STAG1: variants seen among roughly 807,000 people sequenced by gnomAD.
The protein encoded by STAG1 is cohesin subunit SA-1.
Under a neutral mutation model 170.9 loss-of-function variants are expected in STAG1, and 26 were observed. The ratio of observed to expected loss-of-function variants is 0.15; its 90% CI spans 0.11 to 0.21. STAG1 has a LOEUF of 0.21. Among genes scored for constraint, STAG1 ranks in the 10% least tolerant of loss-of-function variants. The pLI is 1.00. For synonymous variants in STAG1, 514 were observed against 497.7 expected (o/e 1.03, Z -0.44); for missense variants, 964 against 1,509.5 (o/e 0.64, Z 5.99).
intron 27 of STAG1, 31 bp from the exon 28 acceptor site, chr3:136,357,879 TC>T: frequency 6.4e-7 from 1 of 1,566,152 alleles, no homozygotes; most frequent in Non-Finnish European, 8.7e-7. Flanking sequence ...AACTTATTTT[TC>T]CAGATAGTGT....
At chr3:136,742,442 G>A (rs780688978) in intron 1 of STAG1, among the ~76,000 whole-genome samples, 5 of 152,018 alleles carry the variant, frequency 3.3e-5, no homozygotes, top group South Asian at 2.1e-4. Flanking sequence ...GGCTGGGCAC[G>A]GTGGCTCATG....
chr3:136,631,188 G>C (rs1229209194), intron 1 of STAG1, among the ~76,000 whole-genome samples: 1 of 152,124 alleles, frequency 6.6e-6, no homozygotes, highest in Non-Finnish European at 1.5e-5. Flanking sequence ...CTAAGTAAAT[G>C]AATAAATAAA....
At chr3:136,615,535 T>C (rs1397376061) in intron 3 of STAG1, among the ~76,000 whole-genome samples, 6 of 151,248 alleles carry the variant, frequency 4.0e-5, no homozygotes, top group African/African-American at 9.7e-5. Context: ...TCCCAGCACT[T>C]TGGGAGGCCG....
At chr3:136,620,190 G>T (rs1391375556) in intron 3 of STAG1, among the ~76,000 whole-genome samples, 1 of 151,786 alleles carries the variant, frequency 6.6e-6, no homozygotes, top group Non-Finnish European at 1.5e-5. Context: ...AAAGATACAA[G>T]AAATGCCTTT....
At chr3:136,504,132 C>G (rs1355635567) in intron 7 of STAG1, among the ~76,000 whole-genome samples, 2 of 152,128 alleles carry the variant, frequency 1.3e-5, no homozygotes, top group African/African-American at 4.8e-5. Flanking sequence ...CACGTATACT[C>G]AATTTGTTAT....
At chr3:136,716,400 T>C (rs946067815) in intron 1 of STAG1, among the ~76,000 whole-genome samples, 4 of 152,008 alleles carry the variant, frequency 2.6e-5, no homozygotes, top group African/African-American at 4.8e-5. Context: ...CAGGCAGCGG[T>C]TGCAGTGAGC....
intron 1 of STAG1, among the ~76,000 whole-genome samples, chr3:136,693,737 T>C (rs1942797961): frequency 6.6e-6 from 1 of 150,504 alleles, no homozygotes; most frequent in South Asian, 2.1e-4. Flanking sequence ...CTCAGCTAAT[T>C]ATTTTTTTTT....
chr3:136,568,518 G>C (rs1166605053), intron 5 of STAG1, among the ~76,000 whole-genome samples: 1 of 151,994 alleles, frequency 6.6e-6, no homozygotes, highest in Non-Finnish European at 1.5e-5. Flanking sequence ...ACTACTGAAC[G>C]AATTTCAGAT....
intron 23 of STAG1, among the ~76,000 whole-genome samples, chr3:136,374,927 C>A (rs1937521334): frequency 6.6e-6 from 1 of 152,000 alleles, no homozygotes; most frequent in Admixed American, 6.6e-5. Flanking sequence ...ATTTTTAAAT[C>A]TTTTATACTG....
Position 136,408,399 on chromosome 3 carries a change from G to A in STAG1, c.2196+9486C>T, listed in dbSNP as rs74810876. 8.5e-3 allele frequency among the ~76,000 whole-genome samples: 1,288 copies of A among 152,190 alleles called. 22 individuals carry two copies. Among genetic ancestry groups the A allele is most frequent in the African/African-American group, 0.03 (1,233 of 41,526 alleles). On this transcript the variant is annotated intron_variant, in intron 21 of 33. Coordinates refer to ENST00000383202, the MANE Select transcript of STAG1 (RefSeq NM_005862.3). The stretch of plus-strand genomic sequence containing the variant: ...TTACTGTAACAGAACCTAGAATGGA[G>A]AGAGGGTGAAACTGAAGTTACTAAA...
chr3:136,465,558 CAAAAAAAAAAAAAAAA>C lies in STAG1; in HGVS notation c.1206-586_1206-571del, dbSNP rs11364802. 9.5e-3 allele frequency among the ~76,000 whole-genome samples: 457 copies of C among 48,302 alleles called. 3 individuals carry two copies. Among genetic ancestry groups the C allele is most frequent in the Middle Eastern group, 0.045 (1 of 22 alleles). The allele number at this position is 48,302 out of a possible 152,430, so 31.7% of individuals were successfully genotyped here. A position where few individuals can be genotyped will look rare whatever the true frequency, so the allele number is the denominator to read the frequency against. The stretch of plus-strand genomic sequence containing the variant: ...GTGGGACAGAGCAAGACTCTTGCCT[CAAAAAAAAAAAAAAAA>C]AAAAAAAAAAAAGGGAAAAGGAAGA... On this transcript the variant is annotated intron_variant, in intron 12 of 33. Transcript: ENST00000383202.
At chr3:136,710,141 G>A (rs1943342970) in intron 1 of STAG1, among the ~76,000 whole-genome samples, 1 of 152,254 alleles carries the variant, frequency 6.6e-6, no homozygotes, top group Non-Finnish European at 1.5e-5. Flanking sequence ...TTTTTGGGGG[G>A]CTACATATAC....
At chr3:136,711,569 A>C (rs1446519470) in intron 1 of STAG1, among the ~76,000 whole-genome samples, 1 of 152,118 alleles carries the variant, frequency 6.6e-6, no homozygotes. Context: ...TCAAGGAAAA[A>C]AAAAAAGGAT....
intron 14 of STAG1, among the ~76,000 whole-genome samples, chr3:136,450,838 TC>T (rs2088915454): frequency 6.6e-6 from 1 of 152,148 alleles, no homozygotes; most frequent in African/African-American, 2.4e-5. Context: ...AACCTCTGCC[TC>T]CTGGGTTCAA....
chr3:136,465,308 C>T (rs1312505347), intron 12 of STAG1, among the ~76,000 whole-genome samples: 7 of 150,560 alleles, frequency 4.6e-5, no homozygotes, highest in Admixed American at 6.6e-5. Flanking sequence ...CAACCTCTGC[C>T]TCCCGGGTTC....
At chr3:136,417,744 A>T in intron 21 of STAG1, 141 bp downstream of exon 21, 1 of 650,044 alleles carries the variant, frequency 1.5e-6, no homozygotes, top group Non-Finnish European at 2.7e-6. Context: ...ACATTTAATT[A>T]CTACAGCAAT....
intron 14 of STAG1, among the ~76,000 whole-genome samples, chr3:136,449,108 A>G (rs1201763991): frequency 2.0e-5 from 3 of 152,212 alleles, no homozygotes; most frequent in Admixed American, 6.5e-5. Context: ...CATTCATCCT[A>G]GGTGTACACT....
chr3:136,556,570 GTTT>G (rs375836305), intron 5 of STAG1, among the ~76,000 whole-genome samples: 1 of 101,562 alleles, frequency 9.8e-6, no homozygotes, highest in African/African-American at 2.9e-5. Flanking sequence ...CTTGACATTC[GTTT>G]TTTTTTTGTT....
intron 14 of STAG1, among the ~76,000 whole-genome samples, chr3:136,451,656 G>A (rs112426882): frequency 0.011 from 1,707 of 152,102 alleles, 20 homozygotes; most frequent in African/African-American, 0.039. Context: ...CCAGCTACTC[G>A]GGAGGCTGAG....
Sources: gnomAD v4.1 joint callset for allele counts (sites outside exome capture counted in the v4.1 genomes callset) on GRCh38, gnomAD v4.1.1 for gene constraint, MANE v1.5 for transcripts, NCBI Gene and HGNC (gene_info 2026-07-23, HGNC 2026-07-21) for gene names.